Variants in DPP10 observed in about 807,000 individuals in gnomAD.
The protein encoded by DPP10 is inactive dipeptidyl peptidase 10.
Under a neutral mutation model 120.9 loss-of-function variants are expected in DPP10, and 33 were observed. The observed-to-expected ratio is 0.27, with a 90% CI of 0.21 to 0.37. The LOEUF is 0.37. Ranked by LOEUF, DPP10 falls within the 10% of genes least tolerant of loss-of-function variation. DPP10 has a pLI of 1.00. For synonymous variants in DPP10, 337 were observed against 326.1 expected, an observed-to-expected ratio of 1.03 and a Z score of -0.36; for missense variants, 816 against 942.8, an observed-to-expected ratio of 0.87 and a Z score of 1.76.
chr2:114,856,000 A>G (rs1879124), intron 1 of DPP10, among the ~76,000 whole-genome samples: 40,689 of 151,780 alleles, frequency 0.27, 5,564 homozygotes, highest in East Asian at 0.32. Context: ...CAATTGTCAA[A>G]TAGTTTATAT....
intron 17 of DPP10, among the ~76,000 whole-genome samples, chr2:115,783,666 C>T (rs1036681969): frequency 1.3e-5 from 2 of 152,130 alleles, no homozygotes; most frequent in Non-Finnish European, 2.9e-5. Flanking sequence ...TCAGTGTAAA[C>T]CTTAAAAAGA....
chr2:115,371,816 A>G (rs981657925), intron 3 of DPP10, among the ~76,000 whole-genome samples: 2 of 152,158 alleles, frequency 1.3e-5, no homozygotes, highest in African/African-American at 4.8e-5. Context: ...TTTTGTTCTA[A>G]TAAGAAAGAA....
intron 9 of DPP10, 148 bp from the exon 10 acceptor site, chr2:115,745,938 C>A (rs1184635202): frequency 7.0e-6 from 4 of 574,942 alleles, no homozygotes; most frequent in Non-Finnish European, 1.2e-5. Flanking sequence ...ATCATGTTGT[C>A]GAATTTAAAA....
chr2:114,631,887 T>G (rs915794620), intron 1 of DPP10, among the ~76,000 whole-genome samples: 1 of 152,212 alleles, frequency 6.6e-6, no homozygotes, highest in African/African-American at 2.4e-5. Flanking sequence ...TGTATTTAAT[T>G]AGTATCTAAT....
At chr2:114,488,848 G>A (rs892536924) in intron 1 of DPP10, among the ~76,000 whole-genome samples, 1 of 152,172 alleles carries the variant, frequency 6.6e-6, no homozygotes, top group African/African-American at 2.4e-5. Context: ...CTTATGCTCT[G>A]TGTCAAGGCT....
intron 1 of DPP10, among the ~76,000 whole-genome samples, chr2:114,937,062 A>G (rs1265757339): frequency 2.0e-5 from 3 of 151,896 alleles, no homozygotes; most frequent in Admixed American, 1.3e-4. Context: ...AACTCTACTG[A>G]TTATTTCTTT....
chr2:115,595,459 A>T (rs1004144992), intron 5 of DPP10, among the ~76,000 whole-genome samples: 1 of 152,086 alleles, frequency 6.6e-6, no homozygotes, highest in Non-Finnish European at 1.5e-5. Context: ...CCTTTTATAA[A>T]CCTTAATAAT....
At chr2:115,733,302 A>G (rs1241035976) in intron 8 of DPP10, among the ~76,000 whole-genome samples, 1 of 152,210 alleles carries the variant, frequency 6.6e-6, no homozygotes, top group Non-Finnish European at 1.5e-5. Flanking sequence ...TGATTCAACA[A>G]ATATTTATTG....
intron 1 of DPP10, among the ~76,000 whole-genome samples, chr2:115,231,832 A>G (rs887042353): frequency 1.3e-5 from 2 of 152,102 alleles, no homozygotes. Flanking sequence ...GCTCCACCTT[A>G]TCTCTTGTCA....
chr2:115,803,570 C>T (rs555518738), intron 19 of DPP10, among the ~76,000 whole-genome samples: 26 of 152,238 alleles, frequency 1.7e-4, no homozygotes, highest in African/African-American at 4.8e-4. Context: ...TGGCTGGTAC[C>T]GGTTGTTCCT....
intron 1 of DPP10, among the ~76,000 whole-genome samples, chr2:114,846,581 T>G (rs1026869579): frequency 9.2e-5 from 12 of 130,764 alleles, no homozygotes; most frequent in African/African-American, 5.6e-4. Flanking sequence ...AGATTCTGTT[T>G]TTTTTTTTTC....
chr2:115,442,471 A>G (rs914436188), intron 3 of DPP10, among the ~76,000 whole-genome samples: 2 of 152,026 alleles, frequency 1.3e-5, no homozygotes, highest in Non-Finnish European at 2.9e-5. Context: ...GGGGATCAAG[A>G]AGATTTTATT....
chr2:115,519,553 A>C (rs961791553), intron 4 of DPP10, among the ~76,000 whole-genome samples: 1 of 152,180 alleles, frequency 6.6e-6, no homozygotes, highest in Non-Finnish European at 1.5e-5. Context: ...ATACACAGTA[A>C]AAAAAATTGA....
rs2052978301 is a variant in DPP10, at chr2:115,167,489, C to T, written c.61-141750C>T. On this transcript the variant is annotated intron_variant, in intron 1 of 25. Transcript: ENST00000410059. ...GGGTTTAGTGACATACTCCTGTGGT[C>T]CCAGCTACTCAGGAGGCTGCGGTGG... is the stretch of plus-strand genomic sequence containing the variant. Among the ~76,000 whole-genome samples the T allele has an allele frequency of 5.3e-5, 8 of 151,836 alleles. 1 individual carries two copies. In the South Asian group the frequency reaches 8.4e-4, roughly 16 times the overall value.
intron 4 of DPP10, among the ~76,000 whole-genome samples, chr2:115,523,229 G>C (rs1225334719): frequency 6.6e-6 from 1 of 151,976 alleles, no homozygotes; most frequent in African/African-American, 2.4e-5. Context: ...GCCAGACTGG[G>C]TAATTGTAGG....
intron 1 of DPP10, among the ~76,000 whole-genome samples, chr2:115,217,846 T>G (rs758763803): frequency 6.6e-6 from 1 of 152,160 alleles, no homozygotes; most frequent in Non-Finnish European, 1.5e-5. Flanking sequence ...TTGCCTGACT[T>G]ACTTGTCTGA....
At chr2:115,267,458 CACCATTACAT>C (rs1244449398) in intron 1 of DPP10, among the ~76,000 whole-genome samples, 1 of 152,072 alleles carries the variant, frequency 6.6e-6, no homozygotes, top group African/African-American at 2.4e-5. Context: ...TATTAGCAAG[CACCATTACAT>C]TTTAAAGTGA....
At chr2:115,820,021 C>T (rs1202858156) in intron 21 of DPP10, among the ~76,000 whole-genome samples, 2 of 152,104 alleles carry the variant, frequency 1.3e-5, no homozygotes, top group Non-Finnish European at 2.9e-5. Context: ...CAAATATAAG[C>T]ATTTAAATTA....
chr2:114,542,560 T>C (rs1246776250), intron 1 of DPP10, among the ~76,000 whole-genome samples: 1 of 152,206 alleles, frequency 6.6e-6, no homozygotes, highest in Non-Finnish European at 1.5e-5. Context: ...TTTCTGCCCC[T>C]CTTATCCCTG....
Sources: gnomAD v4.1 joint callset for allele counts (sites outside exome capture counted in the v4.1 genomes callset) on GRCh38, gnomAD v4.1.1 for gene constraint, MANE v1.5 for transcripts, NCBI Gene and HGNC (gene_info 2026-07-23, HGNC 2026-07-21) for gene names.